RUNX3: variants seen among roughly 807,000 people sequenced by gnomAD.
The protein encoded by RUNX3 is RUNX family transcription factor 3, also known as runt-related transcription factor 3.
RUNX3 carries 10 observed loss-of-function variants against 27.7 expected under a neutral mutation model. That is an observed-to-expected ratio of 0.36 (90% CI 0.22 to 0.61). The LOEUF is 0.61. RUNX3 is among the 20% of genes least tolerant of loss of function. The pLI, the probability that RUNX3 is intolerant of heterozygous loss-of-function variation, is 0.72. For synonymous variants in RUNX3, 270 were observed against 269.2 expected, an observed-to-expected ratio of 1.00 and a Z score of -0.03; for missense variants, 469 against 629.5, an observed-to-expected ratio of 0.75 and a Z score of 2.73.
At chr1:24,959,147 G>A (rs1040790764) in intron 2 of RUNX3, among the ~76,000 whole-genome samples, 4 of 152,218 alleles carry the variant, frequency 2.6e-5, no homozygotes, top group Admixed American at 6.5e-5. Context: ...AGGTAACCGA[G>A]GGAGCCTCCG....
intron 1 of RUNX3, among the ~76,000 whole-genome samples, chr1:24,928,083 G>C (rs781540338): frequency 1.3e-5 from 2 of 152,210 alleles, no homozygotes; most frequent in Admixed American, 1.3e-4. Flanking sequence ...TGCAGCGAAA[G>C]AGGAATCAAC....
intron 2 of RUNX3, among the ~76,000 whole-genome samples, chr1:24,920,792 T>C (rs893386530): frequency 1.3e-5 from 2 of 152,162 alleles, no homozygotes; most frequent in African/African-American, 4.8e-5. Context: ...TAGAAAGCAG[T>C]TTATGAAGAT....
intron 3 of RUNX3, 133 bp downstream of exon 3, chr1:24,919,107 C>T: frequency 1.7e-6 from 1 of 571,832 alleles, no homozygotes; most frequent in Non-Finnish European, 3.0e-6. Flanking sequence ...AGCAGGCACG[C>T]AGTGTGTGGG....
exon 1 of RUNX3, chr1:24,964,977 G>A: frequency 3.7e-6 from 1 of 267,200 alleles, no homozygotes; most frequent in Non-Finnish European, 7.4e-6. Flanking sequence ...AGAGCAGAGT[G>A]GGCCGCCTCC....
chr1:24,926,620 G>GAACT (rs1641104605), intron 2 of RUNX3, among the ~76,000 whole-genome samples: 1 of 152,324 alleles, frequency 6.6e-6, no homozygotes, highest in East Asian at 1.9e-4. Flanking sequence ...AGCTCAGAGG[G>GAACT]AACTAGAACC....
chr1:24,962,820 C>T lies in RUNX3; in HGVS notation c.58+1694G>A, dbSNP rs1642153223. On this transcript the variant is annotated intron_variant, in intron 2 of 6. Transcript: ENST00000338888. The surrounding 1 kb of genome is among the most constrained non-coding windows in gnomAD (Gnocchi z 4.5). The stretch of plus-strand genomic sequence containing the variant: ...CAGCCACCTCCCAGGCTCCGAGGAT[C>T]AGGACCCAGCCCAGGCCGACCGGGG... Among the ~76,000 whole-genome samples, 2 of 152,186 alleles carry T rather than the reference C, an allele frequency of 1.3e-5. No individual in the cohort carries two copies. The highest frequency in any genetic ancestry group is 2.9e-5 in the Non-Finnish European group (2 of 68,014).
chr1:24,905,405 G>A (rs982182559), intron 4 of RUNX3, among the ~76,000 whole-genome samples: 3 of 152,336 alleles, frequency 2.0e-5, no homozygotes, highest in Non-Finnish European at 4.4e-5. Flanking sequence ...GGTCATCCGA[G>A]GCCCTTTCTC....
exon 1 of RUNX3, chr1:24,964,895 G>T: frequency 2.3e-6 from 1 of 430,708 alleles, no homozygotes; most frequent in Non-Finnish European, 4.2e-6. Context: ...CAACAGAAGC[G>T]TATGCAGAGT....
intron 2 of RUNX3, among the ~76,000 whole-genome samples, chr1:24,949,078 G>A (rs1310104559): frequency 6.6e-6 from 1 of 151,956 alleles, no homozygotes; most frequent in Non-Finnish European, 1.5e-5. Flanking sequence ...TGTCTTTGAG[G>A]GGATGGGGGT....
Position 24,907,218 on chromosome 1 carries a change from C to A in RUNX3, c.703+41G>T, listed in dbSNP as rs758604929. Reference sequence around the variant, plus strand: ...ATTGGACCACATCGAGGCCCTCCACCCCCACCTCACCCCGCTGCAGCCCCT... The same window carrying A: ...ATTGGACCACATCGAGGCCCTCCACACCCACCTCACCCCGCTGCAGCCCCT... On this transcript the variant is annotated intron_variant, in intron 4 of 4. Coordinates refer to ENST00000308873, the MANE Select transcript of RUNX3 (RefSeq NM_004350.3). The A allele has an allele frequency of 6.3e-6, 10 of 1,591,386 alleles. No individual in the cohort carries two copies. In the Admixed American group the frequency reaches 8.4e-5, roughly 13 times the overall value.
rs1370974207 is a variant in RUNX3 at position 24,943,643 on chromosome 1, C to T, written c.59-13791G>A. 1.3e-5 allele frequency among the ~76,000 whole-genome samples: 2 copies of T among 152,150 alleles called. No homozygotes were observed. Among genetic ancestry groups the T allele is most frequent in the African/African-American group, 2.4e-5 (1 of 41,426 alleles). ...ATCTCTGAGGCTAGTCCCCTTGTGT[C>T]GGAAAAACAGGTCTGGAGAGGGGAT... On this transcript the variant is annotated intron_variant, in intron 2 of 6. Coordinates refer to the RUNX3 transcript ENST00000338888. The surrounding 1 kb of genome is among the most constrained non-coding windows in gnomAD (Gnocchi z 4.6).
In RUNX3 at chr1:24,923,654, T is replaced by C. The variant is rs1641041350; in HGVS notation, c.439+3920A>G. Among the ~76,000 whole-genome samples the C allele has an allele frequency of 6.6e-6, 1 of 151,988 alleles. No homozygotes were observed. Among genetic ancestry groups the C allele is most frequent in the African/African-American group, 2.4e-5 (1 of 41,346 alleles). On this transcript the variant is annotated intron_variant, in intron 2 of 4. Coordinates refer to ENST00000308873, the MANE Select transcript of RUNX3 (RefSeq NM_004350.3). The surrounding 1 kb of genome is among the most constrained non-coding windows in gnomAD (Gnocchi z 5.9). Reference sequence around the variant, plus strand: ...TTCTCTGCCTGGGTTCCTATGTGTATAAGGTCCCCGCCCCACCCACAGGAG... The same window carrying C: ...TTCTCTGCCTGGGTTCCTATGTGTACAAGGTCCCCGCCCCACCCACAGGAG...
chr1:24,907,813 C>G (rs1248655944), intron 3 of RUNX3, among the ~76,000 whole-genome samples: 1 of 151,742 alleles, frequency 6.6e-6, no homozygotes, highest in Non-Finnish European at 1.5e-5. Flanking sequence ...CTCTACAACA[C>G]ACGGTGATCT....
intron 2 of RUNX3, among the ~76,000 whole-genome samples, chr1:24,941,551 A>T (rs1641480206): frequency 6.6e-6 from 1 of 152,372 alleles, no homozygotes; most frequent in South Asian, 2.1e-4. Flanking sequence ...CTAGGTGAGT[A>T]TCAGAGCTGA....
chr1:24,904,542 G>T lies in RUNX3; in HGVS notation c.704-1876C>A, dbSNP rs936397605. ...CAGTTTTCATCTGGGGAGCCCCTCGGGGGGAGAGGTCCTGTTGCAGGTGCT... is the reference window on the plus strand; with the variant it reads ...CAGTTTTCATCTGGGGAGCCCCTCGTGGGGAGAGGTCCTGTTGCAGGTGCT... On this transcript the variant is annotated intron_variant, in intron 4 of 4. Transcript: ENST00000308873. This position sits in a 1 kb window ranked among gnomAD's most constrained non-coding sequence, Gnocchi z 5.7. Among the ~76,000 whole-genome samples the T allele has an allele frequency of 1.3e-5, 2 of 152,198 alleles. No individual in the cohort carries two copies. Among genetic ancestry groups the T allele is most frequent in the South Asian group, 2.1e-4 (1 of 4,832 alleles).
chr1:24,926,281 G>C (rs1156514897), intron 2 of RUNX3, among the ~76,000 whole-genome samples: 1 of 152,210 alleles, frequency 6.6e-6, no homozygotes, highest in Non-Finnish European at 1.5e-5. Context: ...GATGACAAAA[G>C]GGACTTGGAG....
chr1:24,921,010 A>G (rs562996799), intron 2 of RUNX3, among the ~76,000 whole-genome samples: 218 of 152,176 alleles, frequency 1.4e-3, no homozygotes, highest in African/African-American at 4.6e-3. Flanking sequence ...TCTGGATCCC[A>G]CGTACAGGCC....
chr1:24,940,269 G>C (rs890324118), intron 2 of RUNX3, among the ~76,000 whole-genome samples: 1 of 152,158 alleles, frequency 6.6e-6, no homozygotes, highest in African/African-American at 2.4e-5. Flanking sequence ...GGCAGGGGCC[G>C]GACCAGATAC....
rs1640887942 is a variant in RUNX3 at position 24,916,298 on chromosome 1, C to T, written c.544+2942G>A. On this transcript the variant is annotated intron_variant, in intron 3 of 4. Transcript: ENST00000308873. The surrounding 1 kb of genome is among the most constrained non-coding windows in gnomAD (Gnocchi z 4.8). Reference sequence around the variant, plus strand: ...CCCCGGTAAACTCAGTCAACCTTCACAGCGACTCCCCTAGGCAGACACCAA... The same window carrying T: ...CCCCGGTAAACTCAGTCAACCTTCATAGCGACTCCCCTAGGCAGACACCAA... Among the ~76,000 whole-genome samples, 1 of 152,220 alleles carries T rather than the reference C, an allele frequency of 6.6e-6. No individual in the cohort carries two copies. Among genetic ancestry groups the T allele is most frequent in the African/African-American group, 2.4e-5 (1 of 41,456 alleles).
Sources: gnomAD v4.1 joint callset for allele counts (sites outside exome capture counted in the v4.1 genomes callset) on GRCh38, gnomAD v4.1.1 for gene constraint, Gnocchi (gnomAD v3.1) non-coding constraint, MANE v1.5 for transcripts, NCBI Gene and HGNC (gene_info 2026-07-23, HGNC 2026-07-21) for gene names.